The following KDM5B variants were observed in gnomAD, a reference collection of about 807,000 sequenced individuals.
KDM5B encodes the protein lysine-specific demethylase 5B.
KDM5B carries 144 observed loss-of-function variants against 193.4 expected under a neutral mutation model. The ratio of observed to expected loss-of-function variants is 0.74; its 90% CI spans 0.65 to 0.86. KDM5B has a LOEUF of 0.86. KDM5B is among the 40% of genes least tolerant of loss of function. The probability of loss-of-function intolerance (pLI) is 0.00; values close to 1 mark genes in which losing one functional copy is unlikely to be tolerated. For missense variants in KDM5B, 1,833 were observed against 1,886.9 expected, an observed-to-expected ratio of 0.97 and a Z score of 0.53; for synonymous variants, 668 against 682.6, an observed-to-expected ratio of 0.98 and a Z score of 0.33.
intron 15 of KDM5B, 68 bp downstream of exon 15, chr1:202,746,073 CG>C (rs1333985015): frequency 6.3e-7 from 1 of 1,576,928 alleles, no homozygotes; most frequent in Admixed American, 1.7e-5. Flanking sequence ...CCTAGAACTG[CG>C]GTATCATTGA....
intron 12 of KDM5B, among the ~76,000 whole-genome samples, chr1:202,751,280 T>C (rs924451189): frequency 2.6e-5 from 4 of 152,128 alleles, no homozygotes; most frequent in Non-Finnish European, 5.9e-5. Context: ...AGCTTATTAT[T>C]ATATAATAAT....
chr1:202,777,034 T>C lies in KDM5B; in HGVS notation c.265A>G (p.Arg89Gly). ...GACATTACCTCCAATTCATTCAGTC[T>C]CTGGATACGTGGCGTAAAATGAAGT... is the stretch of plus-strand genomic sequence containing the variant. ...DKLHFTPRIQ[R>G]LNELEAQTRV... The change falls in exon 2 of 27, where the codon AGA becomes GGA. Residue 89 changes from arginine (R) to glycine (G), a missense_variant. By Grantham distance (125) the Arg-to-Gly change is moderately radical (BLOSUM62 -2). Coordinates refer to ENST00000367265, the MANE Select transcript of KDM5B (RefSeq NM_006618.5). 1 of 1,612,064 alleles carries C rather than the reference T, an allele frequency of 6.2e-7. No individual in the cohort carries two copies. The highest frequency in any genetic ancestry group is 8.5e-7 in the Non-Finnish European group (1 of 1,178,138).
intron 1 of KDM5B, among the ~76,000 whole-genome samples, chr1:202,779,880 G>A (rs1238442925): frequency 6.6e-6 from 1 of 151,494 alleles, no homozygotes; most frequent in Non-Finnish European, 1.5e-5. Flanking sequence ...ATACATGAAT[G>A]AAATTAACTG....
In KDM5B at chr1:202,740,750, T is replaced by C. The variant is rs1655303334; in HGVS notation, c.3008A>G (p.Tyr1003Cys). Residue 1003 changes from tyrosine to cysteine, a missense_variant, in exon 20 of 27, where the codon TAT (tyrosine) becomes TGT (cysteine). Transcript: ENST00000367265. Reference protein sequence around the residue: ...AVKEIEEIPAYLPNGAALKDS... With the variant: ...AVKEIEEIPACLPNGAALKDS... Reference sequence around the variant, plus strand: ...TTTCAGAGCCGCACCATTGGGCAGATATGCAGGGATCTCTTCGATTTCCTT... The same window carrying C: ...TTTCAGAGCCGCACCATTGGGCAGACATGCAGGGATCTCTTCGATTTCCTT... 6.2e-7 allele frequency: 1 copy of C among 1,612,996 alleles called. No homozygotes were observed. The highest frequency in any genetic ancestry group is 8.5e-7 in the Non-Finnish European group (1 of 1,179,948).
intron 23 of KDM5B, 146 bp from the exon 24 acceptor site, chr1:202,732,085 C>T: frequency 1.7e-6 from 1 of 593,850 alleles, no homozygotes; most frequent in Admixed American, 3.4e-5. Flanking sequence ...ACTGAAGAGT[C>T]TCCTGGCATT....
intron 1 of KDM5B, among the ~76,000 whole-genome samples, chr1:202,778,344 GA>G (rs1240661288): frequency 6.6e-6 from 1 of 152,032 alleles, no homozygotes; most frequent in Non-Finnish European, 1.5e-5. Flanking sequence ...TACGAAGGGA[GA>G]AAACTGGAAA....
intron 18 of KDM5B, 83 bp downstream of exon 18, chr1:202,742,308 A>G (rs778550538): frequency 1.1e-6 from 1 of 909,300 alleles, no homozygotes; most frequent in African/African-American, 1.7e-5. Context: ...TCATCAAAGA[A>G]GATTACTTAG....
chr1:202,782,424 T>G (rs1435886932), intron 1 of KDM5B, among the ~76,000 whole-genome samples: 1 of 152,140 alleles, frequency 6.6e-6, no homozygotes, highest in African/African-American at 2.4e-5. Context: ...GGTCTGGAAC[T>G]CCTGGGCTCA....
rs1180208496 is a variant in KDM5B at position 202,725,805 on chromosome 1, TC to T, written c.*3230del. The T allele has an allele frequency of 6.6e-6, 1 of 152,220 alleles. No homozygotes were observed. The highest frequency in any genetic ancestry group is 1.5e-5 in the Non-Finnish European group (1 of 68,040). 9.4% of individuals were successfully genotyped at this position (152,220 alleles called of 1,614,324 possible). ...AAAATCCTTGTTGTCCAATTCTGTC[TC>T]CTGTTACAGGTATATAGCATCTGGA... is the stretch of plus-strand genomic sequence containing the variant. On this transcript the variant is annotated 3_prime_UTR_variant, in exon 27 of 27. Transcript: ENST00000367265.
In KDM5B at chr1:202,729,813, T is replaced by G. The variant is rs761306366; in HGVS notation, c.4391A>C (p.Glu1464Ala). 6.2e-7 allele frequency: 1 copy of G among 1,614,174 alleles called. No homozygotes were observed. Among genetic ancestry groups the G allele is most frequent in the Admixed American group, 1.7e-5 (1 of 60,018 alleles). Residue 1464 changes from glutamate to alanine, a missense_variant, in exon 26 of 27, where the codon GAA (glutamate) becomes GCA (alanine). Physicochemically the swap from Glu to Ala is moderately radical, Grantham distance 107. Around this residue, in one of 3 missense-constraint regions of KDM5B, gnomAD observed 1,379 missense variants for 1,349.6 expected, o/e 1.02. Coordinates refer to ENST00000367265, the MANE Select transcript of KDM5B (RefSeq NM_006618.5). Reference protein sequence around the residue: ...ERSYELVRSAETHSLPSDTSY... With the variant: ...ERSYELVRSAATHSLPSDTSY... ...TGTGTCTGAGGGCAGGGAATGAGTT[T>G]CAGCAGAACGAACTAATTCATAGCT...
rs2102296555 is a variant in KDM5B at position 202,773,277 on chromosome 1, T to C, written c.417A>G (p.Glu139=). The stretch of plus-strand genomic sequence containing the variant: ...TGCAAACAACTGCAAATCCACCTTC[T>C]TCTGCAACTAACTGTTAAAATAGCA... ...DLFQLNKLVA[E]EGGFAVVCKD... The change falls in exon 4 of 27, where the codon GAA becomes GAG. Residue 139 remains glutamate, a synonymous_variant. Transcript: ENST00000367265. 2 of 1,614,030 alleles carry C rather than the reference T, an allele frequency of 1.2e-6. No homozygotes were observed. The highest frequency in any genetic ancestry group is 1.7e-6 in the Non-Finnish European group (2 of 1,179,982).
rs771350972 is a variant in KDM5B, at chr1:202,755,421, T to C, written c.1388A>G (p.Asn463Ser). ...GACAGACTGCTCCATCACTGGCATGTTGTTCAAATTCCAGCCACTATCAAG... is the reference window on the plus strand; with the variant it reads ...GACAGACTGCTCCATCACTGGCATGCTGTTCAAATTCCAGCCACTATCAAG... ...EYLDSGWNLN[N>S]MPVMEQSVLA... The change falls in exon 11 of 27, where the codon AAC becomes AGC. Residue 463 changes from asparagine to serine, a missense_variant. Coordinates refer to ENST00000367265, the MANE Select transcript of KDM5B (RefSeq NM_006618.5). 2.5e-6 allele frequency: 4 copies of C among 1,613,718 alleles called. No homozygotes were observed. Among genetic ancestry groups the C allele is most frequent in the African/African-American group, 1.3e-5 (1 of 74,932 alleles).
chr1:202,767,257 ACAAGGAAGGGTATAG>A, intron 4 of KDM5B, 197 bp from the exon 5 acceptor site: 1 of 1,599,818 alleles, frequency 6.3e-7, no homozygotes, highest in Non-Finnish European at 8.6e-7. Context: ...GTGTCTTACT[ACAAGGAAGGGTATAG>A]CAAACGCAGA....
At chr1:202,797,702 G>C (rs995610292) in intron 1 of KDM5B, among the ~76,000 whole-genome samples, 1 of 152,064 alleles carries the variant, frequency 6.6e-6, no homozygotes, top group African/African-American at 2.4e-5. Context: ...TTCTATTTGC[G>C]TGGCTTCCAC....
intron 1 of KDM5B, among the ~76,000 whole-genome samples, chr1:202,793,124 C>A (rs1657709464): frequency 6.6e-6 from 1 of 152,030 alleles, no homozygotes; most frequent in Admixed American, 6.6e-5. Flanking sequence ...AATAAAGAGC[C>A]ATGGTTTGCA....
chr1:202,735,606 C>T lies in KDM5B; in HGVS notation c.3265-19G>A. 6.2e-7 allele frequency: 1 copy of T among 1,607,816 alleles called. No individual in the cohort carries two copies. The highest frequency in any genetic ancestry group is 1.7e-5 in the Admixed American group (1 of 59,526). On this transcript the variant is annotated intron_variant, in intron 21 of 26. Transcript: ENST00000367265. ...ACAGCACCTAATGTGGGACAAGGCA[C>T]AACCAATGGTAAAATAAATTTCAGA...
intron 25 of KDM5B, 141 bp downstream of exon 25, chr1:202,730,768 T>TAAGTCAGC: frequency 1.4e-6 from 1 of 719,852 alleles, no homozygotes; most frequent in Non-Finnish European, 2.2e-6. Flanking sequence ...ATCCTTCAAC[T>TAAGTCAGC]AAGTCAGCAT....
intron 1 of KDM5B, chr1:202,797,064 A>G (rs1264711849): frequency 6.6e-6 from 1 of 152,182 alleles, no homozygotes; most frequent in South Asian, 2.1e-4. Context: ...AAAGTCTCTT[A>G]AAGAGACTCA....
At chr1:202,800,366 C>G (rs577885346) in intron 1 of KDM5B, among the ~76,000 whole-genome samples, 1 of 148,722 alleles carries the variant, frequency 6.7e-6, no homozygotes, top group South Asian at 2.2e-4. Flanking sequence ...GTTTTTGAAA[C>G]GTCTTGCTCT....
Sources: gnomAD v4.1 joint callset for allele counts (sites outside exome capture counted in the v4.1 genomes callset) on GRCh38, gnomAD v4.1.1 for gene constraint, gnomAD v4.1.1 regional missense constraint, MANE v1.5 for transcripts, NCBI Gene and HGNC (gene_info 2026-07-23, HGNC 2026-07-21) for gene names.